The following LAMC2 variants were observed in gnomAD, a reference collection of about 807,000 sequenced individuals.
LAMC2 encodes laminin subunit gamma 2.
Under a neutral mutation model 140.2 loss-of-function variants are expected in LAMC2, and 97 were observed. The observed-to-expected ratio is 0.69, with a 90% CI of 0.59 to 0.82. The LOEUF is 0.82. Ranked by LOEUF, LAMC2 falls within the 40% of genes least tolerant of loss-of-function variation. LAMC2 has a pLI of 0.00. For missense variants in LAMC2, 1,402 were observed against 1,476.1 expected, an observed-to-expected ratio of 0.95 and a Z score of 0.82; for synonymous variants, 513 against 540.2, an observed-to-expected ratio of 0.95 and a Z score of 0.70.
At chr1:183,218,640 A>G in intron 4 of LAMC2, 152 bp downstream of exon 4, 1 of 708,488 alleles carries the variant, frequency 1.4e-6, no homozygotes, top group Non-Finnish European at 2.6e-6. Context: ...CTAAGCTTTT[A>G]CAACAACAAC....
chr1:183,234,421 C>A lies in LAMC2; in HGVS notation c.2275C>A (p.Gln759Lys). 1.9e-6 allele frequency: 3 copies of A among 1,614,102 alleles called. No homozygotes were observed. Among genetic ancestry groups the A allele is most frequent in the Non-Finnish European group, 1.7e-6 (2 of 1,179,982 alleles). The stretch of plus-strand genomic sequence containing the variant: ...GCCAAATGGCTTTAAAAGTCTGGCT[C>A]AGGAGGCCACAAGATTAGCAGAAAG... ...VGPNGFKSLA[Q>K]EATRLAESHV... The change falls in exon 15 of 23, where the codon CAG becomes AAG. Residue 759 changes from glutamine (Q) to lysine (K), a missense_variant. Around this residue, in one of 3 missense-constraint regions of LAMC2, gnomAD observed 670 missense variants for 667.2 expected, o/e 1.00. Transcript: ENST00000264144.
chr1:183,235,718 G>A lies in LAMC2; in HGVS notation c.2444G>A (p.Gly815Glu). 1.2e-6 allele frequency: 2 copies of A among 1,614,122 alleles called. No homozygotes were observed. Among genetic ancestry groups the A allele is most frequent in the Non-Finnish European group, 1.7e-6 (2 of 1,180,026 alleles). Residue 815 changes from glycine (G) to glutamate (E), a missense_variant, in exon 16 of 23, where the codon GGG becomes GAG. Gly to Glu is a moderately conservative substitution (Grantham distance 98). Coordinates refer to ENST00000264144, the MANE Select transcript of LAMC2 (RefSeq NM_005562.3). ...SGSPDGAVVQ[G>E]LVEKLEKTKS... is the part of the protein sequence containing the mutation. ...AGCCCGGACGGTGCTGTGGTGCAAG[G>A]GCTTGTGGAAAAGTACGTTCCTACG...
chr1:183,215,086 C>T (rs953220538), intron 2 of LAMC2, among the ~76,000 whole-genome samples: 1 of 152,190 alleles, frequency 6.6e-6, no homozygotes, highest in African/African-American at 2.4e-5. Flanking sequence ...ATGCTGCTCA[C>T]TTTCAGATAC....
At chr1:183,225,018 C>T (rs980979000) in intron 7 of LAMC2, among the ~76,000 whole-genome samples, 3 of 151,566 alleles carry the variant, frequency 2.0e-5, no homozygotes, top group Non-Finnish European at 2.9e-5. Context: ...TTTAACAAAT[C>T]AGTGAATGAA....
Position 183,234,434 on chromosome 1 carries a change from G to A in LAMC2, c.2288G>A (p.Arg763Lys). The A allele has an allele frequency of 6.2e-7, 1 of 1,613,992 alleles. No individual in the cohort carries two copies. Among genetic ancestry groups the A allele is most frequent in the Non-Finnish European group, 8.5e-7 (1 of 1,179,872 alleles). Residue 763 changes from arginine (R) to lysine (K), a missense_variant, in exon 15 of 23, where the codon AGA (arginine) becomes AAA (lysine). By Grantham distance (26) the Arg-to-Lys change is conservative. Transcript: ENST00000264144. ...GFKSLAQEAT[R>K]LAESHVESAS... is the part of the protein sequence containing the mutation. ...AAAAGTCTGGCTCAGGAGGCCACAA[G>A]ATTAGCAGAAAGGTGAGCAGCATTA...
intron 3 of LAMC2, among the ~76,000 whole-genome samples, chr1:183,216,140 A>G (rs1052960923): frequency 6.6e-6 from 1 of 152,082 alleles, no homozygotes; most frequent in Admixed American, 6.6e-5. Context: ...TTGGCAGTGA[A>G]GCATTGGGCA....
chr1:183,234,263 C>G, intron 14 of LAMC2, 104 bp from the exon 15 acceptor site: 1 of 799,108 alleles, frequency 1.3e-6, no homozygotes, highest in Non-Finnish European at 2.2e-6. Flanking sequence ...CCCTGTGTGG[C>G]TAATGACAAG....
intron 1 of LAMC2, among the ~76,000 whole-genome samples, chr1:183,191,629 G>A (rs1214053345): frequency 6.6e-6 from 1 of 152,118 alleles, no homozygotes; most frequent in Non-Finnish European, 1.5e-5. Flanking sequence ...AGGCCGAGGC[G>A]GGCGGATTAC....
At chr1:183,217,618 A>G (rs1051782170) in intron 3 of LAMC2, among the ~76,000 whole-genome samples, 1 of 152,252 alleles carries the variant, frequency 6.6e-6, no homozygotes, top group Non-Finnish European at 1.5e-5. Flanking sequence ...CATCATGCTA[A>G]GTGAAAGAAG....
chr1:183,247,463 C>T (rs145680101), downstream of LAMC2, among the ~76,000 whole-genome samples: 109 of 148,976 alleles, frequency 7.3e-4, no homozygotes, highest in Non-Finnish European at 1.4e-3. Context: ...GCATATCAAG[C>T]ATCATTATGA....
chr1:183,194,579 A>G (rs7518691), intron 1 of LAMC2, among the ~76,000 whole-genome samples: 9,435 of 152,288 alleles, frequency 0.062, 806 homozygotes, highest in African/African-American at 0.2. Flanking sequence ...TTATACTTCA[A>G]TTATCTCCAA....
chr1:183,190,243 G>A (rs1558076770), intron 1 of LAMC2, among the ~76,000 whole-genome samples: 1 of 152,144 alleles, frequency 6.6e-6, no homozygotes, highest in South Asian at 2.1e-4. Flanking sequence ...CTTAATACAT[G>A]TTAATAGATT....
At chr1:183,205,833 G>C (rs537232485) in intron 1 of LAMC2, among the ~76,000 whole-genome samples, 1 of 152,124 alleles carries the variant, frequency 6.6e-6, no homozygotes, top group East Asian at 1.9e-4. Context: ...GTGTGTGCCT[G>C]AGTGCTGTAT....
In LAMC2 at chr1:183,190,086, C is replaced by G. The variant is rs76902119; in HGVS notation, c.79+3655C>G. 8.6e-3 allele frequency among the ~76,000 whole-genome samples: 1,309 copies of G among 152,214 alleles called. 30 individuals are homozygous for G. The highest frequency in any genetic ancestry group is 0.03 in the African/African-American group (1,252 of 41,510). On this transcript the variant is annotated intron_variant, in intron 1 of 22. Coordinates refer to ENST00000264144, the MANE Select transcript of LAMC2 (RefSeq NM_005562.3). ...AAGACTGCCTGGGTTCAAATCCCAG[C>G]CCTATCATGTACCATTGTGGCACAT...
At chr1:183,223,010 C>A (rs1659518536) in intron 6 of LAMC2, 125 bp from the exon 7 acceptor site, 2 of 808,798 alleles carry the variant, frequency 2.5e-6, no homozygotes. Context: ...ACTCTCCTAG[C>A]AAGGAGTTTT....
chr1:183,251,621 C>T, the LAMC2 span: 1 of 152,572 alleles, frequency 6.6e-6, no homozygotes, highest in Non-Finnish European at 1.5e-5. Context: ...CCTTGGAAAC[C>T]CCTGGCTGGT....
At chr1:183,212,479 C>A (rs1659102304) in intron 2 of LAMC2, among the ~76,000 whole-genome samples, 1 of 152,088 alleles carries the variant, frequency 6.6e-6, no homozygotes, top group Admixed American at 6.6e-5. Context: ...TCCTCCCTGC[C>A]TTCCATTGCT....
At chr1:183,226,569 C>T in intron 8 of LAMC2, 129 bp from the exon 9 acceptor site, 2 of 812,990 alleles carry the variant, frequency 2.5e-6, no homozygotes, top group South Asian at 1.4e-5. Context: ...TACCTCTCTA[C>T]ATGGCATGAT....
At chr1:183,240,467 C>T (rs1660101893) in intron 22 of LAMC2, 76 bp downstream of exon 22, 1 of 1,577,668 alleles carries the variant, frequency 6.3e-7, no homozygotes, top group South Asian at 1.2e-5. Flanking sequence ...CTATACCTAG[C>T]CCCAGCAAAG....
Sources: gnomAD v4.1 joint callset for allele counts (sites outside exome capture counted in the v4.1 genomes callset) on GRCh38, gnomAD v4.1.1 for gene constraint, gnomAD v4.1.1 regional missense constraint, MANE v1.5 for transcripts, NCBI Gene and HGNC (gene_info 2026-07-23, HGNC 2026-07-21) for gene names.